Variants in NUDT3 observed in about 807,000 individuals in gnomAD.
NUDT3 encodes diphosphoinositol polyphosphate phosphohydrolase 1.
A neutral mutation model predicts 23.6 loss-of-function variants in NUDT3; 9 were observed. That is an observed-to-expected ratio of 0.38 (90% CI 0.23 to 0.66). NUDT3 has a LOEUF of 0.66. Ranked by LOEUF, NUDT3 falls within the 30% of genes least tolerant of loss-of-function variation. The pLI, the probability that NUDT3 is intolerant of heterozygous loss-of-function variation, is 0.52. For missense variants in NUDT3, 172 were observed against 218.5 expected, an observed-to-expected ratio of 0.79 and a Z score of 1.34; for synonymous variants, 86 against 82.6, an observed-to-expected ratio of 1.04 and a Z score of -0.22.
intron 1 of NUDT3, among the ~76,000 whole-genome samples, chr6:34,384,220 C>A (rs1179025988): frequency 6.6e-6 from 1 of 152,192 alleles, no homozygotes. Context: ...CCGTTCCAAC[C>A]TGGTGAGCTG....
intron 1 of NUDT3, among the ~76,000 whole-genome samples, chr6:34,345,127 C>T (rs1296160951): frequency 6.6e-6 from 1 of 151,852 alleles, no homozygotes; most frequent in East Asian, 2.0e-4. Flanking sequence ...TGGCTCACTG[C>T]AATCTCTGCC....
At chr6:34,351,553 C>T (rs1764476991) in intron 1 of NUDT3, among the ~76,000 whole-genome samples, 1 of 149,238 alleles carries the variant, frequency 6.7e-6, no homozygotes. Flanking sequence ...ACCAGCCTGG[C>T]CAACATGGTG....
intron 2 of NUDT3, among the ~76,000 whole-genome samples, chr6:34,314,012 A>C (rs545973384): frequency 1.3e-5 from 2 of 151,904 alleles, no homozygotes; most frequent in South Asian, 4.2e-4. Context: ...CAAGAGAATC[A>C]CTTGAACCCA....
chr6:34,301,100 G>T (rs1449378469), intron 2 of NUDT3, among the ~76,000 whole-genome samples: 1 of 139,384 alleles, frequency 7.2e-6, no homozygotes, highest in African/African-American at 2.5e-5. Context: ...TTGTTGAACA[G>T]TTATCTATTT....
At chr6:34,308,910 A>G (rs770475282) in intron 2 of NUDT3, among the ~76,000 whole-genome samples, 31 of 152,358 alleles carry the variant, frequency 2.0e-4, no homozygotes, top group South Asian at 1.7e-3. Context: ...TCAAATTGAC[A>G]TAAGTGACCT....
At chr6:34,332,160 C>T (rs1416360619) in intron 2 of NUDT3, among the ~76,000 whole-genome samples, 1 of 152,082 alleles carries the variant, frequency 6.6e-6, no homozygotes, top group Non-Finnish European at 1.5e-5. Flanking sequence ...TTGACTCTCC[C>T]AAAACTTAAC....
chr6:34,347,589 T>G (rs768815318), intron 1 of NUDT3, among the ~76,000 whole-genome samples: 1 of 152,312 alleles, frequency 6.6e-6, no homozygotes, highest in East Asian at 1.9e-4. Context: ...TGCAGTGAAA[T>G]GATAAATCTG....
At chr6:34,293,333 G>T in intron 4 of NUDT3, 118 bp downstream of exon 4, 1 of 1,209,366 alleles carries the variant, frequency 8.3e-7, no homozygotes, top group Non-Finnish European at 1.2e-6. Context: ...AAGTACTGGG[G>T]TTATAGGTGT....
At chr6:34,379,685 A>G (rs1764981241) in intron 1 of NUDT3, among the ~76,000 whole-genome samples, 1 of 152,036 alleles carries the variant, frequency 6.6e-6, no homozygotes, top group Non-Finnish European at 1.5e-5. Context: ...TGCTGGGATT[A>G]CAGGCTTGAG....
rs1419960981 is a variant in NUDT3, at chr6:34,341,951, G to A, written c.121C>T (p.Arg41Cys). The A allele has an allele frequency of 6.2e-6, 10 of 1,613,752 alleles. No homozygotes were observed. The highest frequency in any genetic ancestry group is 5.0e-5 in the Admixed American group (3 of 59,954). Residue 41 changes from arginine (R) to cysteine (C), a missense_variant, in exon 2 of 5, where the codon CGC (arginine) becomes TGC (cysteine). By Grantham distance (180) the Arg-to-Cys change is radical. Transcript: ENST00000607016. ...EEEVLLVSSS[R>C]HPDRWIVPGG... The stretch of plus-strand genomic sequence containing the variant: ...GGGACAATCCATCTGTCTGGATGGC[G>A]ACTACTGCTCACGAGTAGCACCTGT...
intron 1 of NUDT3, among the ~76,000 whole-genome samples, chr6:34,384,978 G>C (rs1765081069): frequency 6.7e-6 from 1 of 149,448 alleles, no homozygotes; most frequent in African/African-American, 2.5e-5. Context: ...GCAGTGACCT[G>C]AGATCGCATT....
At chr6:34,331,058 T>C (rs1023089229) in intron 2 of NUDT3, among the ~76,000 whole-genome samples, 2 of 152,300 alleles carry the variant, frequency 1.3e-5, no homozygotes, top group East Asian at 1.9e-4. Flanking sequence ...TTTCACCATA[T>C]TGGCCAGGCT....
chr6:34,360,936 T>C (rs1764641601), intron 1 of NUDT3, among the ~76,000 whole-genome samples: 1 of 152,038 alleles, frequency 6.6e-6, no homozygotes, highest in Non-Finnish European at 1.5e-5. Context: ...AATATATACA[T>C]ATGGGGCCAG....
intron 1 of NUDT3, among the ~76,000 whole-genome samples, chr6:34,361,187 A>C (rs1335523932): frequency 6.6e-6 from 1 of 152,194 alleles, no homozygotes; most frequent in Non-Finnish European, 1.5e-5. Flanking sequence ...CACCACTGGC[A>C]CTCTAGCCTG....
chr6:34,337,198 T>C (rs1244451385), intron 2 of NUDT3, among the ~76,000 whole-genome samples: 1 of 152,208 alleles, frequency 6.6e-6, no homozygotes, highest in Non-Finnish European at 1.5e-5. Context: ...CTCTCAATAA[T>C]GCTGGAATAA....
Position 34,392,544 on chromosome 6 carries a change from T to A in NUDT3, c.-182A>T, listed in dbSNP as rs1422310346. On this transcript the variant is annotated 5_prime_UTR_variant, in exon 1 of 5. Coordinates refer to ENST00000607016, the MANE Select transcript of NUDT3 (RefSeq NM_006703.4). ...GCCGCCTCATTCCCCCAGGCCCAGG[T>A]CCCGCGCCGCCGCTGCCACCGTCAC... The A allele has an allele frequency of 5.0e-6, 2 of 398,740 alleles. No homozygotes were observed. Among genetic ancestry groups the A allele is most frequent in the Non-Finnish European group, 8.9e-6 (2 of 225,316 alleles). The allele number at this position is 398,740 out of a possible 1,614,324, so 24.7% of individuals were successfully genotyped here. A position where few individuals can be genotyped will look rare whatever the true frequency, so the allele number is the denominator to read the frequency against.
intron 1 of NUDT3, among the ~76,000 whole-genome samples, chr6:34,365,426 T>A (rs1386003440): frequency 6.6e-6 from 1 of 151,960 alleles, no homozygotes; most frequent in East Asian, 1.9e-4. Flanking sequence ...AGACTCTGTC[T>A]CAAAAATAAA....
intron 2 of NUDT3, among the ~76,000 whole-genome samples, chr6:34,302,275 C>T (rs1049021959): frequency 2.0e-5 from 3 of 151,826 alleles, no homozygotes; most frequent in African/African-American, 7.3e-5. Flanking sequence ...GGCAATTCTT[C>T]CATTTCAGCT....
chr6:34,326,897 C>T (rs1240049191), intron 2 of NUDT3, among the ~76,000 whole-genome samples: 5 of 152,212 alleles, frequency 3.3e-5, no homozygotes, highest in Non-Finnish European at 5.9e-5. Context: ...TGTAGGGTCC[C>T]GCCCTACGGG....
Sources: allele counts gnomAD v4.1 joint callset (sites outside exome capture counted in the v4.1 genomes callset), GRCh38; gene constraint gnomAD v4.1.1; transcripts MANE v1.5; gene names NCBI Gene and HGNC (gene_info 2026-07-23, HGNC 2026-07-21).